Variants in CCDC192 observed in about 807,000 individuals in gnomAD.
The protein encoded by CCDC192 is coiled-coil domain-containing protein 192.
At chr5:127,853,375 G>A (rs1750892315) in intron 5 of CCDC192, among the ~76,000 whole-genome samples, 1 of 152,100 alleles carries the variant, frequency 6.6e-6, no homozygotes. Context: ...CTCTTAACAA[G>A]TTGTCTATGC....
At chr5:127,825,028 C>T (rs954185028) in intron 5 of CCDC192, among the ~76,000 whole-genome samples, 2 of 152,140 alleles carry the variant, frequency 1.3e-5, no homozygotes, top group African/African-American at 2.4e-5. Context: ...GCCACAATAG[C>T]GCTGTCAAAC....
At chr5:127,767,613 T>G (rs1755303050) in intron 3 of CCDC192, among the ~76,000 whole-genome samples, 1 of 152,164 alleles carries the variant, frequency 6.6e-6, no homozygotes, top group Non-Finnish European at 1.5e-5. Flanking sequence ...ATCTTTCCCA[T>G]GTCTTTTCAT....
chr5:127,872,653 A>G (rs1751911103), intron 5 of CCDC192, among the ~76,000 whole-genome samples: 2 of 152,124 alleles, frequency 1.3e-5, no homozygotes, highest in African/African-American at 2.4e-5. Flanking sequence ...CCTGTTCTGG[A>G]TGCAGCTCTG....
intron 5 of CCDC192, among the ~76,000 whole-genome samples, chr5:127,812,497 C>T (rs920681742): frequency 2.0e-5 from 3 of 152,130 alleles, no homozygotes; most frequent in African/African-American, 7.2e-5. Context: ...TGTCCTGACC[C>T]TCATTTGCTA....
intron 6 of CCDC192, among the ~76,000 whole-genome samples, chr5:127,935,007 CT>C (rs2126323167): frequency 6.6e-6 from 1 of 152,302 alleles, no homozygotes; most frequent in South Asian, 2.1e-4. Flanking sequence ...ATTTAATCAC[CT>C]CACCGGTGAT....
intron 5 of CCDC192, among the ~76,000 whole-genome samples, chr5:127,806,850 G>A (rs1757814617): frequency 6.6e-6 from 1 of 152,090 alleles, no homozygotes; most frequent in Non-Finnish European, 1.5e-5. Context: ...AAGACTGAGA[G>A]GCATACCTCT....
Position 127,781,275 on chromosome 5 carries a change from A to G in CCDC192, c.223-15828A>G, listed in dbSNP as rs116684307. ...AAATTAGGTAATGTGAAGCCTCCAA[A>G]TTTGTTCTTTTTGTTTAGTCTTATT... On this transcript the variant is annotated intron_variant, in intron 3 of 6. Coordinates refer to ENST00000514853, the MANE Select transcript of CCDC192 (RefSeq NM_001317938.2). Among the ~76,000 whole-genome samples the G allele has an allele frequency of 6.7e-3, 1,023 of 152,006 alleles. 14 individuals carry two copies. Among genetic ancestry groups the G allele is most frequent in the African/African-American group, 0.024 (980 of 41,464 alleles).
At chr5:127,909,147 G>T (rs1189879147) in intron 6 of CCDC192, among the ~76,000 whole-genome samples, 1 of 152,108 alleles carries the variant, frequency 6.6e-6, no homozygotes, top group Admixed American at 6.5e-5. Flanking sequence ...GTCTGTGAAG[G>T]CAGACACAAG....
chr5:127,904,817 A>G lies in CCDC192; in HGVS notation c.535+29156A>G, dbSNP rs548516931. Among the ~76,000 whole-genome samples the G allele has an allele frequency of 1.2e-4, 18 of 152,150 alleles. 1 individual carries two copies. In the South Asian group the frequency reaches 3.3e-3, roughly 28 times the overall value. ...GCACTTGGCCTGGCAGAGACATTTA[A>G]TGCTCACTGAATACATCTGCATCAC... On this transcript the variant is annotated intron_variant, in intron 6 of 6. Transcript: ENST00000514853.
At chr5:127,937,207 T>G (rs1370411890) in intron 6 of CCDC192, among the ~76,000 whole-genome samples, 1 of 152,214 alleles carries the variant, frequency 6.6e-6, no homozygotes, top group Non-Finnish European at 1.5e-5. Context: ...GTATTTTCAT[T>G]TAATACATGA....
intron 2 of CCDC192, among the ~76,000 whole-genome samples, chr5:127,743,021 C>T (rs575027211): frequency 2.6e-4 from 40 of 152,070 alleles, no homozygotes; most frequent in Non-Finnish European, 5.1e-4. Flanking sequence ...TTTCAGGGAA[C>T]GCTGATCTCG....
chr5:127,936,491 C>G (rs1452610132), intron 6 of CCDC192, among the ~76,000 whole-genome samples: 1 of 152,170 alleles, frequency 6.6e-6, no homozygotes, highest in African/African-American at 2.4e-5. Flanking sequence ...TCTAACCCTG[C>G]CCAATTCCCA....
intron 2 of CCDC192, among the ~76,000 whole-genome samples, chr5:127,727,365 A>G (rs1414996760): frequency 6.6e-6 from 1 of 152,118 alleles, no homozygotes. Flanking sequence ...CCAGCTACTC[A>G]GGAGGCTGAA....
chr5:127,779,767 A>C (rs923738494), intron 3 of CCDC192, among the ~76,000 whole-genome samples: 3 of 152,092 alleles, frequency 2.0e-5, no homozygotes, highest in African/African-American at 7.2e-5. Flanking sequence ...TTGGGGGTAC[A>C]GATGGTGTTT....
At chr5:127,937,283 G>A (rs1754212787) in intron 6 of CCDC192, among the ~76,000 whole-genome samples, 2 of 151,734 alleles carry the variant, frequency 1.3e-5, no homozygotes, top group Non-Finnish European at 1.5e-5. Context: ...CCCCTTTTCT[G>A]ACTGTCCTCT....
chr5:127,919,896 C>T lies in CCDC192; in HGVS notation c.536-21286C>T, dbSNP rs180724206. On this transcript the variant is annotated intron_variant, in intron 6 of 6. Transcript: ENST00000514853. ...TGCACTATTTTGACAGAGAATGCCA[C>T]TTTCAGGTAAGGCAAGACCAGGTAA... 3.5e-4 allele frequency among the ~76,000 whole-genome samples: 54 copies of T among 152,328 alleles called. 1 individual carries two copies. The highest frequency in any genetic ancestry group is 1.6e-3 in the Admixed American group (25 of 15,308).
chr5:127,708,917 C>T (rs1019354310), intron 2 of CCDC192, among the ~76,000 whole-genome samples: 2 of 151,902 alleles, frequency 1.3e-5, no homozygotes, highest in African/African-American at 2.4e-5. Flanking sequence ...AGTTCGTTCT[C>T]GCACCACTAT....
intron 5 of CCDC192, among the ~76,000 whole-genome samples, chr5:127,820,627 T>G (rs1200472542): frequency 6.6e-6 from 1 of 152,198 alleles, no homozygotes; most frequent in African/African-American, 2.4e-5. Flanking sequence ...AATGTCTTCC[T>G]TCTCCTTCCT....
intron 5 of CCDC192, chr5:127,838,381 G>C (rs1003893211): frequency 6.6e-6 from 1 of 152,174 alleles, no homozygotes; most frequent in Non-Finnish European, 1.5e-5. Context: ...TTTAATTGGT[G>C]ATACTGAGAA....
Sources: allele counts gnomAD v4.1 joint callset (sites outside exome capture counted in the v4.1 genomes callset), GRCh38; gene constraint gnomAD v4.1.1; transcripts MANE v1.5; gene names NCBI Gene and HGNC (gene_info 2026-07-23, HGNC 2026-07-21).